PHF21A: variants seen among roughly 807,000 people sequenced by gnomAD.
PHF21A encodes PHD finger protein 21A.
PHF21A carries 11 observed loss-of-function variants against 82.5 expected under a neutral mutation model. The observed-to-expected ratio is 0.13, with a 90% CI of 0.08 to 0.22. PHF21A has a LOEUF of 0.22. Among genes scored for constraint, PHF21A ranks in the 10% least tolerant of loss-of-function variants. The pLI is 1.00. For missense variants in PHF21A, 579 were observed against 837.8 expected (o/e 0.69, Z 3.81); for synonymous variants, 297 against 302.8 (o/e 0.98, Z 0.20).
chr11:45,963,692 G>A (rs1361065212), intron 10 of PHF21A, among the ~76,000 whole-genome samples: 1 of 152,092 alleles, frequency 6.6e-6, no homozygotes, highest in Non-Finnish European at 1.5e-5. Context: ...CAAAAAAAGA[G>A]GTAAAGAGAA....
At chr11:46,043,888 G>A (rs979651739) in intron 6 of PHF21A, among the ~76,000 whole-genome samples, 1 of 152,136 alleles carries the variant, frequency 6.6e-6, no homozygotes, top group Non-Finnish European at 1.5e-5. Context: ...TTGGATGTGA[G>A]TGCAGAAAAC....
intron 1 of PHF21A, among the ~76,000 whole-genome samples, chr11:46,106,676 T>C (rs1176572011): frequency 6.6e-6 from 1 of 152,234 alleles, no homozygotes; most frequent in Admixed American, 6.5e-5. Flanking sequence ...TTAACATGCA[T>C]GCTGCATACT....
intron 6 of PHF21A, among the ~76,000 whole-genome samples, chr11:46,050,568 G>A (rs2096343510): frequency 6.6e-6 from 1 of 152,204 alleles, no homozygotes; most frequent in African/African-American, 2.4e-5. Context: ...GCATCTCTGG[G>A]AGGGGAATGA....
chr11:45,936,595 T>C, intron 16 of PHF21A, 26 bp from the exon 17 acceptor site: 1 of 1,524,108 alleles, frequency 6.6e-7, no homozygotes, highest in Non-Finnish European at 9.1e-7. Context: ...GAATTTTACC[T>C]TGAGAAGGAG....
chr11:45,983,168 A>G (rs1473381696), intron 6 of PHF21A, among the ~76,000 whole-genome samples: 1 of 152,160 alleles, frequency 6.6e-6, no homozygotes, highest in Non-Finnish European at 1.5e-5. Context: ...GGAGCGTGGG[A>G]GTCAAGTGAG....
At chr11:45,999,342 T>C (rs1037919750) in intron 6 of PHF21A, among the ~76,000 whole-genome samples, 2 of 152,182 alleles carry the variant, frequency 1.3e-5, no homozygotes, top group Admixed American at 6.5e-5. Flanking sequence ...TAATTAAAAA[T>C]TATTACTTTG....
intron 6 of PHF21A, among the ~76,000 whole-genome samples, chr11:46,018,850 C>A (rs1353497398): frequency 2.0e-5 from 3 of 152,164 alleles, no homozygotes; most frequent in Non-Finnish European, 4.4e-5. Flanking sequence ...CATACCATGA[C>A]ACGCTCTCAC....
Position 45,933,986 on chromosome 11 carries a change from C to A in PHF21A, c.2028G>T (p.Gln676His), listed in dbSNP as rs1429348273. Residue 676 changes from glutamine (Q) to histidine (H), a missense_variant, in exon 19 of 19, where the codon CAG becomes CAT. By Grantham distance (24) the Gln-to-His change is conservative (BLOSUM62 0). This residue lies in a region of PHF21A where 157 missense variants were observed against 149.4 expected (regional missense o/e 1.05). Coordinates refer to ENST00000676320, the MANE Select transcript of PHF21A (RefSeq NM_001352027.3). Reference protein sequence around the residue: ...SSQSCTANCNQGEETK With the variant: ...SSQSCTANCNHGEETK ...GGCTCTGTTATTTAGTCTCTTCCCC[C>A]TGGTTACAGTTCGCTGTGCAGCTCT... 1 of 1,575,646 alleles carries A rather than the reference C, an allele frequency of 6.3e-7. No homozygotes were observed. The highest frequency in any genetic ancestry group is 8.6e-7 in the Non-Finnish European group (1 of 1,162,440).
intron 6 of PHF21A, among the ~76,000 whole-genome samples, chr11:46,045,322 G>C (rs565601184): frequency 7.9e-5 from 12 of 152,186 alleles, no homozygotes; most frequent in African/African-American, 2.9e-4. Context: ...TATTATACCA[G>C]GTACTAACAC....
At chr11:46,014,560 T>G (rs1333201408) in intron 6 of PHF21A, among the ~76,000 whole-genome samples, 1 of 152,162 alleles carries the variant, frequency 6.6e-6, no homozygotes, top group African/African-American at 2.4e-5. Flanking sequence ...AATGGTAGTT[T>G]TACTTTTATT....
chr11:46,011,308 G>A (rs1323261367), intron 6 of PHF21A, among the ~76,000 whole-genome samples: 1 of 152,102 alleles, frequency 6.6e-6, no homozygotes, highest in Non-Finnish European at 1.5e-5. Flanking sequence ...GCCCAACATG[G>A]TAAAACCCTG....
At chr11:46,066,262 T>C (rs2096592771) in intron 6 of PHF21A, among the ~76,000 whole-genome samples, 1 of 152,206 alleles carries the variant, frequency 6.6e-6, no homozygotes, top group African/African-American at 2.4e-5. Flanking sequence ...GATATTCTGA[T>C]TACTGATATA....
At chr11:46,080,470 GA>G (rs971160034) in intron 4 of PHF21A, among the ~76,000 whole-genome samples, 21 of 151,288 alleles carry the variant, frequency 1.4e-4, no homozygotes, top group African/African-American at 5.1e-4. Flanking sequence ...TTAAAAAGAA[GA>G]AAAAAAATTT....
chr11:45,990,658 C>G (rs538960701), intron 6 of PHF21A, among the ~76,000 whole-genome samples: 1 of 151,472 alleles, frequency 6.6e-6, no homozygotes, highest in Non-Finnish European at 1.5e-5. Context: ...AAAGTATTGA[C>G]ATGCATGGTC....
At chr11:46,106,643 A>G (rs1171983226) in intron 1 of PHF21A, among the ~76,000 whole-genome samples, 1 of 152,366 alleles carries the variant, frequency 6.6e-6, no homozygotes, top group Non-Finnish European at 1.5e-5. Flanking sequence ...CTGTAGCAAC[A>G]AGCCAAATAC....
chr11:46,035,435 C>A (rs2095977818), intron 6 of PHF21A, among the ~76,000 whole-genome samples: 1 of 152,046 alleles, frequency 6.6e-6, no homozygotes, highest in Non-Finnish European at 1.5e-5. Context: ...TTGGTTACTT[C>A]ATTCACTTAA....
chr11:46,022,255 C>T (rs1325625855), intron 6 of PHF21A, among the ~76,000 whole-genome samples: 1 of 152,004 alleles, frequency 6.6e-6, no homozygotes, highest in African/African-American at 2.4e-5. Flanking sequence ...GAGTTCAAGA[C>T]CAGTGTGGGC....
intron 6 of PHF21A, among the ~76,000 whole-genome samples, chr11:46,038,143 T>A (rs2096055391): frequency 6.6e-6 from 1 of 151,908 alleles, no homozygotes; most frequent in Non-Finnish European, 1.5e-5. Context: ...TTTTTTTAAA[T>A]GGAGTTTTGC....
chr11:46,106,295 T>C (rs1236690137), intron 1 of PHF21A, among the ~76,000 whole-genome samples: 1 of 152,142 alleles, frequency 6.6e-6, no homozygotes, highest in Non-Finnish European at 1.5e-5. Context: ...TCCTAATCTA[T>C]CTCCCCTGAG....
Sources: allele counts gnomAD v4.1 joint callset (sites outside exome capture counted in the v4.1 genomes callset), GRCh38; gene constraint gnomAD v4.1.1; regional missense constraint gnomAD v4.1.1; transcripts MANE v1.5; gene names NCBI Gene and HGNC (gene_info 2026-07-23, HGNC 2026-07-21).